The following NOTO variants were observed in gnomAD, a reference collection of about 807,000 sequenced individuals.
The protein encoded by NOTO is homeobox protein notochord.
In NOTO, 19 loss-of-function variants were observed where a neutral mutation model predicts 20.5. The observed-to-expected ratio is 0.93, with a 90% CI of 0.65 to 1.36. The LOEUF (loss-of-function observed/expected upper bound fraction) is 1.36. Among genes scored for constraint, NOTO ranks in the 40% most tolerant of loss-of-function variants. The probability of loss-of-function intolerance (pLI) is 0.00; values close to 1 mark genes in which losing one functional copy is unlikely to be tolerated. For synonymous variants in NOTO, 150 were observed against 150.2 expected, an observed-to-expected ratio of 1.00 and a Z score of 0.01; for missense variants, 369 against 336.2, an observed-to-expected ratio of 1.10 and a Z score of -0.76.
At chr2:73,203,537 G>A (rs1014739565) in intron 1 of NOTO, among the ~76,000 whole-genome samples, 2 of 152,136 alleles carry the variant, frequency 1.3e-5, no homozygotes, top group Non-Finnish European at 2.9e-5. Context: ...GTTAGGAGCT[G>A]GTCAAGGCTC....
At chr2:73,206,787 CTTTTTTTTTTTT>C (rs969908382) in intron 1 of NOTO, among the ~76,000 whole-genome samples, 4 of 89,964 alleles carry the variant, frequency 4.4e-5, no homozygotes, top group South Asian at 4.0e-4. Flanking sequence ...CCAACTAGAG[CTTTTTTTTTTTT>C]TTTTTTTTTT....
chr2:73,204,056 G>T (rs1248856379), intron 1 of NOTO, among the ~76,000 whole-genome samples: 1 of 80,854 alleles, frequency 1.2e-5, no homozygotes, highest in Non-Finnish European at 2.3e-5. Flanking sequence ...TCGAGATCGC[G>T]CCACTGCACT....
At position 73,211,253 on chromosome 2, in the gene NOTO, C is replaced by T. The variant is rs1175634560; in HGVS notation, c.*324C>T. On this transcript the variant is annotated 3_prime_UTR_variant, in exon 3 of 3. Coordinates refer to ENST00000398468, the MANE Select transcript of NOTO (RefSeq NM_001134462.2). Reference sequence around the variant, plus strand: ...CTGTAAAGCAATAATGTGCCATGCACAGTGCAAAGTGTGTGGTTACTGTTA... The same window carrying T: ...CTGTAAAGCAATAATGTGCCATGCATAGTGCAAAGTGTGTGGTTACTGTTA... 4 of 244,636 alleles carry T rather than the reference C, an allele frequency of 1.6e-5. No homozygotes were observed. The highest frequency in any genetic ancestry group is 6.8e-5 in the African/African-American group (3 of 44,320). 15.2% of individuals were successfully genotyped at this position (244,636 alleles called of 1,614,324 possible).
intron 1 of NOTO, among the ~76,000 whole-genome samples, chr2:73,206,538 C>T (rs1276900071): frequency 6.6e-6 from 1 of 151,826 alleles, no homozygotes; most frequent in African/African-American, 2.4e-5. Flanking sequence ...AGGGTTTTAC[C>T]ATGTTGCCCA....
At chr2:73,209,169 C>T (rs770468282) in intron 2 of NOTO, among the ~76,000 whole-genome samples, 120 of 133,838 alleles carry the variant, frequency 9.0e-4, no homozygotes, top group Middle Eastern at 4.4e-3. Flanking sequence ...TTGGAGAGCC[C>T]GTCTCAAAAA....
At chr2:73,210,129 C>T (rs1034880175) in intron 2 of NOTO, among the ~76,000 whole-genome samples, 7 of 152,198 alleles carry the variant, frequency 4.6e-5, no homozygotes, top group Admixed American at 2.6e-4. Context: ...TGTGGGCCCA[C>T]GTAAAAGCCT....
At chr2:73,207,997 A>AAAAAGTAT (rs1173558093) in intron 1 of NOTO, among the ~76,000 whole-genome samples, 3 of 152,230 alleles carry the variant, frequency 2.0e-5, no homozygotes, top group Non-Finnish European at 4.4e-5. Context: ...GTAGACATTC[A>AAAAAGTAT]AAAAGTATAA....
chr2:73,205,377 G>A lies in NOTO; in HGVS notation c.382+2329G>A, dbSNP rs973035594. Among the ~76,000 whole-genome samples the A allele has an allele frequency of 3.2e-4, 48 of 152,084 alleles. 1 individual carries two copies. The highest frequency in any genetic ancestry group is 1.2e-3 in the African/African-American group (48 of 41,396). On this transcript the variant is annotated intron_variant, in intron 1 of 2. Coordinates refer to ENST00000398468, the MANE Select transcript of NOTO (RefSeq NM_001134462.2). ...AACACAAAAATTAGCTGGGCATGGT[G>A]GTGCGCACCTTGGCGGGGGCTGAAG... is the stretch of plus-strand genomic sequence containing the variant.
In NOTO at chr2:73,203,046, C is replaced by A; in HGVS notation, c.380C>A (p.Thr127Lys). The change falls in exon 1 of 3, where the codon ACA (threonine) becomes AAA (lysine). Residue 127 changes from threonine to lysine, a missense_variant and splice_region_variant. Transcript: ENST00000398468. ...TGCGGCCTGCTGGGCTTCGGCGTCA[C>A]AGGTACTGCGGTCCCGGCGCCCGCA... ...PVCGLLGFGV[T>K]GLELAHCSGL... The A allele has an allele frequency of 7.2e-7, 1 of 1,389,348 alleles. No individual in the cohort carries two copies. The highest frequency in any genetic ancestry group is 9.3e-7 in the Non-Finnish European group (1 of 1,076,066). The allele number at this position is 1,389,348 out of a possible 1,614,324, so 86.1% of individuals were successfully genotyped here. A position where few individuals can be genotyped will look rare whatever the true frequency, so the allele number is the denominator to read the frequency against.
intron 1 of NOTO, among the ~76,000 whole-genome samples, chr2:73,205,463 A>G (rs1010556814): frequency 6.6e-6 from 1 of 152,118 alleles, no homozygotes; most frequent in Admixed American, 6.6e-5. Flanking sequence ...AAGCCACTGA[A>G]CTCCAGCCTG....
chr2:73,208,659 A>G lies in NOTO; in HGVS notation c.597+45A>G, dbSNP rs761175939. On this transcript the variant is annotated intron_variant, in intron 2 of 2. Transcript: ENST00000398468. ...TTGGGCCTGGGCTGCACCTGGGGAC[A>G]AACACTACCTCAGCAAGGCCCTAAA... 1.2e-5 allele frequency: 15 copies of G among 1,217,798 alleles called. 1 individual carries two copies. The South Asian group carries it at 2.0e-4, about 16-fold the overall frequency. 75.4% of individuals were successfully genotyped at this position (1,217,798 alleles called of 1,614,324 possible). A position where few individuals can be genotyped will look rare whatever the true frequency, so the allele number is the denominator to read the frequency against.
intron 1 of NOTO, 96 bp downstream of exon 1, chr2:73,203,144 AGT>A: frequency 9.1e-7 from 1 of 1,093,310 alleles, no homozygotes; most frequent in Non-Finnish European, 1.2e-6. Flanking sequence ...GAGGGCACTG[AGT>A]GTGAGAATCA....
chr2:73,209,966 G>A (rs1686155376), intron 2 of NOTO, among the ~76,000 whole-genome samples: 1 of 151,858 alleles, frequency 6.6e-6, no homozygotes, highest in East Asian at 1.9e-4. Flanking sequence ...AATACAGCTG[G>A]AGTGGCTTCA....
intron 2 of NOTO, 107 bp from the exon 3 acceptor site, chr2:73,210,664 A>AATATT: frequency 1.1e-6 from 1 of 899,558 alleles, no homozygotes; most frequent in Non-Finnish European, 1.7e-6. Context: ...CTCCCTGAGA[A>AATATT]GGAAGAGCAA....
intron 2 of NOTO, among the ~76,000 whole-genome samples, 178 bp downstream of exon 2, chr2:73,208,792 G>A (rs950933828): frequency 3.3e-5 from 5 of 152,038 alleles, no homozygotes; most frequent in Non-Finnish European, 7.4e-5. Flanking sequence ...AGTCCCATTT[G>A]AAGTCACATA....
intron 1 of NOTO, among the ~76,000 whole-genome samples, chr2:73,204,879 A>T (rs144626565): frequency 0.42 from 32,273 of 76,308 alleles, 5,819 homozygotes; most frequent in African/African-American, 0.6. Flanking sequence ...AATTTTTTTT[A>T]TTTTTTTATT....
chr2:73,202,635 T>G lies in NOTO; in HGVS notation c.-32T>G. The G allele has an allele frequency of 2.1e-6, 3 of 1,426,458 alleles. No homozygotes were observed. The highest frequency in any genetic ancestry group is 2.7e-6 in the Non-Finnish European group (3 of 1,099,150). The allele number at this position is 1,426,458 out of a possible 1,614,324, so 88.4% of individuals were successfully genotyped here. A position where few individuals can be genotyped will look rare whatever the true frequency, so the allele number is the denominator to read the frequency against. ...ATCTTCTCACTTCTCCCGAGCTCCCTTCCTTGCGTCCGTCCGGGCAACGGC... is the reference window on the plus strand; with the variant it reads ...ATCTTCTCACTTCTCCCGAGCTCCCGTCCTTGCGTCCGTCCGGGCAACGGC... On this transcript the variant is annotated 5_prime_UTR_variant, in exon 1 of 3. Transcript: ENST00000398468.
intron 1 of NOTO, among the ~76,000 whole-genome samples, chr2:73,204,899 T>TTTA (rs1686068876): frequency 7.7e-6 from 1 of 130,410 alleles, no homozygotes; most frequent in Non-Finnish European, 1.6e-5. Flanking sequence ...TTTTTTTTTT[T>TTTA]GAGGCGGAGT....
Position 73,202,992 on chromosome 2 carries a change from C to T in NOTO, c.326C>T (p.Pro109Leu). The T allele has an allele frequency of 1.4e-6, 2 of 1,479,282 alleles. No homozygotes were observed. The highest frequency in any genetic ancestry group is 1.3e-5 in the South Asian group (1 of 76,438). The allele number at this position is 1,479,282 out of a possible 1,614,324, so 91.6% of individuals were successfully genotyped here. A position where few individuals can be genotyped will look rare whatever the true frequency, so the allele number is the denominator to read the frequency against. Residue 109 changes from proline (P) to leucine (L), a missense_variant, in exon 1 of 3, where the codon CCT (proline) becomes CTT (leucine). Transcript: ENST00000398468. Reference sequence around the variant, plus strand: ...GCCTACCTGAGCGTAGGTTTTTACCCTGTGCCAGGGCCGCGCGTGGCTCCC... The same window carrying T: ...GCCTACCTGAGCGTAGGTTTTTACCTTGTGCCAGGGCCGCGCGTGGCTCCC... Reference protein sequence around the residue: ...LPAYLSVGFYPVPGPRVAPVC... With the variant: ...LPAYLSVGFYLVPGPRVAPVC...
Sources: gnomAD v4.1 joint callset for allele counts (sites outside exome capture counted in the v4.1 genomes callset) on GRCh38, gnomAD v4.1.1 for gene constraint, MANE v1.5 for transcripts, NCBI Gene and HGNC (gene_info 2026-07-23, HGNC 2026-07-21) for gene names.